The following SLC44A5 variants were observed in gnomAD, a reference collection of about 807,000 sequenced individuals.
SLC44A5 encodes choline transporter-like protein 5.
Under a neutral mutation model 101.8 loss-of-function variants are expected in SLC44A5, and 57 were observed. The ratio of observed to expected loss-of-function variants is 0.56; its 90% CI spans 0.45 to 0.70. SLC44A5 has a LOEUF of 0.70. Ranked by LOEUF, SLC44A5 falls within the 30% of genes least tolerant of loss-of-function variation. The pLI is 0.00. For synonymous variants in SLC44A5, 281 were observed against 290.9 expected (o/e 0.97, Z 0.35); for missense variants, 737 against 853.1 (o/e 0.86, Z 1.70).
intron 2 of SLC44A5, among the ~76,000 whole-genome samples, chr1:75,431,177 C>T (rs115593882): frequency 4.6e-4 from 70 of 152,178 alleles, no homozygotes; most frequent in Non-Finnish European, 1.3e-4. Flanking sequence ...AAGTAAACAC[C>T]GGCTTTAAAA....
rs1668324933 is a variant in SLC44A5 at position 75,489,501 on chromosome 1, T to C, written c.13+51934A>G. Among the ~76,000 whole-genome samples, 2 of 152,228 alleles carry C rather than the reference T, an allele frequency of 1.3e-5. 1 individual carries two copies. Among genetic ancestry groups the C allele is most frequent in the South Asian group, 4.1e-4 (2 of 4,834 alleles). On this transcript the variant is annotated intron_variant, in intron 2 of 23. Coordinates refer to ENST00000370859, the MANE Select transcript of SLC44A5 (RefSeq NM_001130058.2). The stretch of plus-strand genomic sequence containing the variant: ...TTCATTTGTTTGTTTGTTTGGTTGG[T>C]TGTTTTTAAGACAGGAAATTTTCAG...
chr1:75,524,646 G>T (rs1670319283), intron 2 of SLC44A5, among the ~76,000 whole-genome samples: 1 of 152,090 alleles, frequency 6.6e-6, no homozygotes, highest in South Asian at 2.1e-4. Flanking sequence ...TGGTTCCCTG[G>T]TTATAAGAGA....
At chr1:75,627,338 C>T in the SLC44A5 span, among the ~76,000 whole-genome samples, 1 of 151,888 alleles carries the variant, frequency 6.6e-6, no homozygotes, top group African/African-American at 2.4e-5. Context: ...GATAGGGTTG[C>T]AATAGTATTT....
the SLC44A5 span, among the ~76,000 whole-genome samples, chr1:75,706,475 A>G: frequency 6.6e-6 from 1 of 152,132 alleles, no homozygotes; most frequent in African/African-American, 2.4e-5. Context: ...TTGTTAATCT[A>G]TATTATTAAT....
chr1:75,474,589 A>G (rs533468174), intron 2 of SLC44A5, among the ~76,000 whole-genome samples: 4 of 152,210 alleles, frequency 2.6e-5, no homozygotes, highest in Non-Finnish European at 5.9e-5. Context: ...AATGTTACAC[A>G]AGGATGTTTT....
chr1:75,435,665 C>T (rs1190771427), intron 2 of SLC44A5, among the ~76,000 whole-genome samples: 1 of 152,162 alleles, frequency 6.6e-6, no homozygotes, highest in Non-Finnish European at 1.5e-5. Context: ...TAGGAGCAAA[C>T]TCACACATGA....
chr1:75,663,689 C>G, the SLC44A5 span, among the ~76,000 whole-genome samples: 1 of 152,134 alleles, frequency 6.6e-6, no homozygotes, highest in Non-Finnish European at 1.5e-5. Flanking sequence ...ACCAGATGGA[C>G]TCACAGCTGA....
the SLC44A5 span, chr1:75,709,855 T>C: frequency 1.3e-5 from 2 of 152,340 alleles, no homozygotes; most frequent in Non-Finnish European, 2.9e-5. Flanking sequence ...TTATTTGTAA[T>C]ACTCATAAAC....
At chr1:75,672,060 AG>A in the SLC44A5 span, among the ~76,000 whole-genome samples, 51 of 150,944 alleles carry the variant, frequency 3.4e-4, no homozygotes, top group African/African-American at 1.2e-3. Context: ...CACCCAAAAA[AG>A]CACCTTCATA....
chr1:75,652,668 C>T, the SLC44A5 span, among the ~76,000 whole-genome samples: 1 of 152,064 alleles, frequency 6.6e-6, no homozygotes, highest in African/African-American at 2.4e-5. Context: ...TTGGTATACA[C>T]CTATAATCGT....
At chr1:75,623,588 AG>A in the SLC44A5 span, among the ~76,000 whole-genome samples, 38 of 152,234 alleles carry the variant, frequency 2.5e-4, no homozygotes, top group African/African-American at 8.7e-4. Context: ...TCAAAGGATA[AG>A]GTTTTTTTTT....
chr1:75,269,435 A>G (rs908771861), intron 6 of SLC44A5, among the ~76,000 whole-genome samples: 7 of 151,916 alleles, frequency 4.6e-5, no homozygotes, highest in Non-Finnish European at 8.8e-5. Flanking sequence ...CAAAATTTCT[A>G]TTTTCTGCTT....
chr1:75,237,142 A>C lies in SLC44A5; in HGVS notation c.657-72T>G, dbSNP rs1648163460. 3 of 910,202 alleles carry C rather than the reference A, an allele frequency of 3.3e-6. No individual in the cohort carries two copies. The Admixed American group carries it at 5.8e-5, about 18-fold the overall frequency. 56.4% of individuals were successfully genotyped at this position (910,202 alleles called of 1,614,324 possible). ...AAACAGAAATGTTCTTTTTATGATAAAAGGGATTCTGCAAGGTGCTGTTGA... is the reference window on the plus strand; with the variant it reads ...AAACAGAAATGTTCTTTTTATGATACAAGGGATTCTGCAAGGTGCTGTTGA... On this transcript the variant is annotated intron_variant, in intron 10 of 23. Coordinates refer to ENST00000370859, the MANE Select transcript of SLC44A5 (RefSeq NM_001130058.2).
At chr1:75,663,342 G>A in the SLC44A5 span, among the ~76,000 whole-genome samples, 1 of 152,118 alleles carries the variant, frequency 6.6e-6, no homozygotes, top group Non-Finnish European at 1.5e-5. Flanking sequence ...ACAAAGACAA[G>A]TCACTGCCTG....
At chr1:75,227,236 A>T (rs1198332288) in intron 13 of SLC44A5, among the ~76,000 whole-genome samples, 1 of 152,046 alleles carries the variant, frequency 6.6e-6, no homozygotes, top group Non-Finnish European at 1.5e-5. Flanking sequence ...ATGGTGGCAC[A>T]CATCTGTGGT....
chr1:75,214,817 T>TTTTTAA, intron 19 of SLC44A5, 139 bp from the exon 20 acceptor site: 5 of 657,822 alleles, frequency 7.6e-6, no homozygotes, highest in East Asian at 2.8e-5. Context: ...TAATGTGTAT[T>TTTTTAA]TGTGGGACAC....
intron 2 of SLC44A5, among the ~76,000 whole-genome samples, chr1:75,426,682 TAAAA>T (rs1313166623): frequency 2.0e-5 from 3 of 152,210 alleles, no homozygotes; most frequent in Admixed American, 2.0e-4. Flanking sequence ...CTGTAAAACT[TAAAA>T]AGGAGGCTGA....
the SLC44A5 span, among the ~76,000 whole-genome samples, chr1:75,659,849 T>C: frequency 1.3e-5 from 2 of 152,024 alleles, no homozygotes; most frequent in African/African-American, 4.8e-5. Flanking sequence ...CCAAATGTAA[T>C]AATACATTAA....
intron 2 of SLC44A5, among the ~76,000 whole-genome samples, chr1:75,499,620 T>C (rs1175480813): frequency 6.6e-6 from 1 of 152,244 alleles, no homozygotes; most frequent in Non-Finnish European, 1.5e-5. Flanking sequence ...TATAAATATA[T>C]TTTGTATACT....
Sources: allele counts gnomAD v4.1 joint callset (sites outside exome capture counted in the v4.1 genomes callset), GRCh38; gene constraint gnomAD v4.1.1; transcripts MANE v1.5; gene names NCBI Gene and HGNC (gene_info 2026-07-23, HGNC 2026-07-21).